Variants in FARP1 observed in about 807,000 individuals in gnomAD.
FARP1 encodes FERM, ARHGEF and pleckstrin domain-containing protein 1.
In FARP1, 52 loss-of-function variants were observed where a neutral mutation model predicts 128.8. The observed-to-expected ratio is 0.40, with a 90% confidence interval of 0.32 to 0.51. The LOEUF is 0.51. Among genes scored for constraint, FARP1 ranks in the 20% least tolerant of loss-of-function variants. The probability of loss-of-function intolerance (pLI) is 0.45; values close to 1 mark genes in which losing one functional copy is unlikely to be tolerated. For missense variants in FARP1, 1,333 were observed against 1,367.9 expected (o/e 0.97, Z 0.40); for synonymous variants, 580 against 551.8 (o/e 1.05, Z -0.72).
chr13:98,284,194 T>C (rs1276063791), intron 2 of FARP1, among the ~76,000 whole-genome samples: 2 of 152,098 alleles, frequency 1.3e-5, no homozygotes, highest in East Asian at 1.9e-4. Context: ...TTTTTTTTTT[T>C]CCTCATCAGC....
chr13:98,231,588 C>T (rs1376244855), intron 2 of FARP1, among the ~76,000 whole-genome samples: 2 of 151,482 alleles, frequency 1.3e-5, no homozygotes, highest in Admixed American at 1.3e-4. Context: ...CTGGTGCCTG[C>T]CGCCATGCCC....
chr13:98,418,199 G>A (rs1001523960), intron 16 of FARP1, among the ~76,000 whole-genome samples: 12 of 152,154 alleles, frequency 7.9e-5, no homozygotes, highest in African/African-American at 2.9e-4. Context: ...ATGGGCATGA[G>A]CCATCACACT....
intron 1 of FARP1, among the ~76,000 whole-genome samples, chr13:98,209,817 A>G (rs1463739230): frequency 7.9e-5 from 11 of 139,664 alleles, no homozygotes; most frequent in African/African-American, 1.3e-4. Flanking sequence ...AAAAAAAAAA[A>G]AAAAAAAAAA....
At chr13:98,415,114 A>G (rs1269043620) in intron 16 of FARP1, among the ~76,000 whole-genome samples, 1 of 152,246 alleles carries the variant, frequency 6.6e-6, no homozygotes, top group Non-Finnish European at 1.5e-5. Flanking sequence ...ATGTCCAGAC[A>G]GGATTTGTCT....
In FARP1 at chr13:98,434,479, G is replaced by A. The variant is rs1892174702; in HGVS notation, c.2144-1097G>A. 2.6e-5 allele frequency: 4 copies of A among 152,350 alleles called. No homozygotes were observed. In the South Asian group the frequency reaches 8.3e-4, roughly 32 times the overall value. The allele number at this position is 152,350 out of a possible 1,614,324, so 9.4% of individuals were successfully genotyped here. The stretch of plus-strand genomic sequence containing the variant: ...TCCAACACTGAAATGCTGGGGGAAA[G>A]CAGTGAAAGAGGTATTTAGAGTTCT... On this transcript the variant is annotated intron_variant, in intron 18 of 26. Coordinates refer to ENST00000319562, the MANE Select transcript of FARP1 (RefSeq NM_005766.4).
chr13:98,376,709 G>A (rs1270716540), intron 5 of FARP1, among the ~76,000 whole-genome samples: 1 of 148,512 alleles, frequency 6.7e-6, no homozygotes, highest in East Asian at 2.0e-4. Context: ...GTTCTCTATC[G>A]TGGTTGTACT....
chr13:98,193,612 T>C (rs2139242660), intron 1 of FARP1, among the ~76,000 whole-genome samples: 1 of 152,368 alleles, frequency 6.6e-6, no homozygotes, highest in East Asian at 1.9e-4. Flanking sequence ...AGACATTCTT[T>C]AATTATTCAA....
intron 6 of FARP1, chr13:98,384,193 T>TTTTGGGGG (rs1890003317): frequency 4.0e-5 from 1 of 24,974 alleles, no homozygotes; most frequent in African/African-American, 1.4e-4. Context: ...CTTTTTTTTT[T>TTTTGGGGG]GTAGGGGGGC....
chr13:98,431,461 ATTTTT>A, intron 18 of FARP1, 181 bp downstream of exon 18: 49 of 338,618 alleles, frequency 1.4e-4, no homozygotes, highest in South Asian at 1.6e-4. Context: ...TTACATCTTG[ATTTTT>A]TTTTTTTTTT....
chr13:98,305,900 T>G (rs544330050), intron 2 of FARP1, among the ~76,000 whole-genome samples: 1 of 152,278 alleles, frequency 6.6e-6, no homozygotes, highest in African/African-American at 2.4e-5. Context: ...TTGGCCAGTT[T>G]CCCTTTTCAG....
chr13:98,409,515 G>A lies in FARP1; in HGVS notation c.1592G>A (p.Gly531Asp). ...ACPRTDDEDE[G>D]RRKRFPTDKA... ...CCCCGGACGGACGATGAGGATGAGG[G>A]CCGGAGGAAGGTACAGGGCCGAGGG... Residue 531 changes from glycine (G) to aspartate (D), a missense_variant, in exon 14 of 27, where the codon GGC becomes GAC. Gly to Asp is a moderately conservative substitution (Grantham distance 94). Coordinates refer to ENST00000319562, the MANE Select transcript of FARP1 (RefSeq NM_005766.4). 1 of 1,610,512 alleles carries A rather than the reference G, an allele frequency of 6.2e-7. No individual in the cohort carries two copies. Among genetic ancestry groups the A allele is most frequent in the Non-Finnish European group, 8.5e-7 (1 of 1,177,902 alleles).
intron 2 of FARP1, among the ~76,000 whole-genome samples, chr13:98,322,486 C>T (rs1244557492): frequency 6.6e-6 from 1 of 152,180 alleles, no homozygotes; most frequent in Non-Finnish European, 1.5e-5. Flanking sequence ...GGGATTTGGA[C>T]TGCAGTTCAT....
At chr13:98,325,901 A>G (rs1389154054) in intron 2 of FARP1, among the ~76,000 whole-genome samples, 2 of 152,378 alleles carry the variant, frequency 1.3e-5, no homozygotes, top group East Asian at 1.9e-4. Flanking sequence ...CGCAACAGCC[A>G]CAGGGCATTT....
intron 17 of FARP1, among the ~76,000 whole-genome samples, chr13:98,427,081 G>A (rs1210074830): frequency 1.3e-5 from 2 of 152,044 alleles, no homozygotes; most frequent in South Asian, 2.1e-4. Flanking sequence ...CCTCTTGGTG[G>A]TGTACATTCT....
chr13:98,344,715 C>A (rs1888106950), intron 3 of FARP1, among the ~76,000 whole-genome samples: 1 of 152,186 alleles, frequency 6.6e-6, no homozygotes, highest in Admixed American at 6.5e-5. Flanking sequence ...CCGTCAGAGG[C>A]AGTGCAGATC....
chr13:98,390,964 AC>A, intron 11 of FARP1, 84 bp downstream of exon 11: 2 of 937,866 alleles, frequency 2.1e-6, no homozygotes, highest in Non-Finnish European at 3.5e-6. Context: ...ATATTTCTTT[AC>A]CCAGACTTCA....
intron 1 of FARP1, among the ~76,000 whole-genome samples, chr13:98,193,208 C>T (rs1480374063): frequency 6.6e-6 from 1 of 152,144 alleles, no homozygotes; most frequent in African/African-American, 2.4e-5. Flanking sequence ...CAGGCTTGCA[C>T]CACCACGCCT....
chr13:98,297,051 T>C (rs1885728235), intron 2 of FARP1, among the ~76,000 whole-genome samples: 1 of 152,226 alleles, frequency 6.6e-6, no homozygotes, highest in African/African-American at 2.4e-5. Context: ...TATATCACCT[T>C]TCTGTAATCT....
At chr13:98,199,219 C>G (rs1879780285) in intron 1 of FARP1, among the ~76,000 whole-genome samples, 1 of 151,842 alleles carries the variant, frequency 6.6e-6, no homozygotes, top group Admixed American at 6.6e-5. Flanking sequence ...ATTTAAGAAC[C>G]TTTTTTCAGG....
Sources: gnomAD v4.1 joint callset for allele counts (sites outside exome capture counted in the v4.1 genomes callset) on GRCh38, gnomAD v4.1.1 for gene constraint, MANE v1.5 for transcripts, NCBI Gene and HGNC (gene_info 2026-07-23, HGNC 2026-07-21) for gene names.